Variants in GRM8 observed in about 807,000 individuals in gnomAD.
GRM8 encodes the protein metabotropic glutamate receptor 8.
Under a neutral mutation model 87.2 loss-of-function variants are expected in GRM8, and 47 were observed. That is an observed-to-expected ratio of 0.54 (90% CI 0.43 to 0.69). The LOEUF is 0.69. GRM8 is among the 30% of genes least tolerant of loss of function. The probability of loss-of-function intolerance (pLI) is 0.00; values close to 1 mark genes in which losing one functional copy is unlikely to be tolerated. For missense variants in GRM8, 1,019 were observed against 1,139.2 expected (o/e 0.89, Z 1.52); for synonymous variants, 396 against 404.5 (o/e 0.98, Z 0.25).
intron 2 of GRM8, 35 bp downstream of exon 2, chr7:127,242,660 T>C (rs1299967659): frequency 1.3e-6 from 2 of 1,582,484 alleles, no homozygotes; most frequent in African/African-American, 1.4e-5. Context: ...TCATTGTTCT[T>C]TCACAATGGT....
chr7:127,044,662 G>T (rs746499653), intron 3 of GRM8, among the ~76,000 whole-genome samples: 30 of 151,992 alleles, frequency 2.0e-4, no homozygotes, highest in Admixed American at 9.8e-4. Context: ...AATTTAGAGG[G>T]ACTGTCCAGC....
Position 126,685,678 on chromosome 7 carries a change from A to G in GRM8, c.1358-76180T>C, listed in dbSNP as rs1414158033. 6.6e-6 allele frequency among the ~76,000 whole-genome samples: 1 copy of G among 151,920 alleles called. No homozygotes were observed. The highest frequency in any genetic ancestry group is 2.4e-5 in the African/African-American group (1 of 41,376). On this transcript the variant is annotated intron_variant, in intron 7 of 10. Coordinates refer to ENST00000339582, the MANE Select transcript of GRM8 (RefSeq NM_000845.3). The surrounding 1 kb of genome is among the most constrained non-coding windows in gnomAD (Gnocchi z 4.2). ...CCCTTGCTGCCTCGGCTCCCTCTAA[A>G]CTTTGGCTGTGGACAAGCACAGGAG...
In GRM8 at chr7:126,698,330, G is replaced by T. The variant is rs563547263; in HGVS notation, c.1357+71535C>A. Among the ~76,000 whole-genome samples the T allele has an allele frequency of 2.8e-3, 427 of 152,126 alleles. 5 individuals carry two copies. The highest frequency in any genetic ancestry group is 0.024 in the Middle Eastern group (7 of 294). On this transcript the variant is annotated intron_variant, in intron 7 of 10. Transcript: ENST00000339582. ...GTGGAGGAAGGATTGGAATATAATAGAATTGTTCTATTTTCTACCATTTAC... is the reference window on the plus strand; with the variant it reads ...GTGGAGGAAGGATTGGAATATAATATAATTGTTCTATTTTCTACCATTTAC...
At chr7:126,824,507 G>A (rs929738181) in intron 6 of GRM8, among the ~76,000 whole-genome samples, 2 of 152,306 alleles carry the variant, frequency 1.3e-5, no homozygotes, top group East Asian at 3.9e-4. Flanking sequence ...GGAGCCTTGT[G>A]AGTGGAGAAG....
intron 6 of GRM8, among the ~76,000 whole-genome samples, chr7:126,848,340 AT>A (rs1796896094): frequency 6.6e-6 from 1 of 152,198 alleles, no homozygotes; most frequent in African/African-American, 2.4e-5. Flanking sequence ...GCTGGTTTGA[AT>A]TGAGAAGTGC....
At chr7:127,175,412 G>T (rs561114912) in intron 2 of GRM8, among the ~76,000 whole-genome samples, 1 of 152,234 alleles carries the variant, frequency 6.6e-6, no homozygotes, top group African/African-American at 2.4e-5. Context: ...TACATAATTT[G>T]AATACCAGAA....
chr7:126,900,964 T>C (rs1802018707), intron 6 of GRM8, among the ~76,000 whole-genome samples: 1 of 152,146 alleles, frequency 6.6e-6, no homozygotes, highest in Admixed American at 6.5e-5. Context: ...ATTCTCTAGA[T>C]GAAGAGCCTC....
chr7:126,725,731 C>T lies in GRM8; in HGVS notation c.1357+44134G>A, dbSNP rs151083002. On this transcript the variant is annotated intron_variant, in intron 7 of 10. Transcript: ENST00000339582. Reference sequence around the variant, plus strand: ...AGTTATGCAGGTTGTATAAGAAGCACGGCGTTGGCATCTGCTCAGCTTCTA... The same window carrying T: ...AGTTATGCAGGTTGTATAAGAAGCATGGCGTTGGCATCTGCTCAGCTTCTA... Among the ~76,000 whole-genome samples the T allele has an allele frequency of 6.6e-3, 1,011 of 152,242 alleles. 12 individuals are homozygous for T. The highest frequency in any genetic ancestry group is 0.022 in the African/African-American group (929 of 41,546).
intron 3 of GRM8, among the ~76,000 whole-genome samples, chr7:127,046,788 G>C (rs1430928713): frequency 6.6e-6 from 1 of 151,410 alleles, no homozygotes; most frequent in Non-Finnish European, 1.5e-5. Context: ...TCTCTTTCTT[G>C]CCCTATTGTA....
At chr7:126,988,476 C>A (rs1812330641) in intron 3 of GRM8, among the ~76,000 whole-genome samples, 1 of 152,176 alleles carries the variant, frequency 6.6e-6, no homozygotes, top group South Asian at 2.1e-4. Context: ...GTAAAATAAT[C>A]TACAGAGACA....
intron 2 of GRM8, among the ~76,000 whole-genome samples, chr7:127,146,162 T>A (rs1468583328): frequency 1.3e-5 from 2 of 152,078 alleles, no homozygotes; most frequent in African/African-American, 4.8e-5. Context: ...CTGATCTATT[T>A]TTTAATCTAC....
intron 9 of GRM8, among the ~76,000 whole-genome samples, chr7:126,497,205 G>A (rs1197100374): frequency 1.3e-5 from 2 of 151,690 alleles, no homozygotes; most frequent in Non-Finnish European, 1.5e-5. Flanking sequence ...AAGATGATGG[G>A]GGCACACATG....
intron 6 of GRM8, among the ~76,000 whole-genome samples, chr7:126,784,670 A>G (rs986355545): frequency 1.3e-5 from 2 of 152,184 alleles, no homozygotes; most frequent in African/African-American, 4.8e-5. Context: ...GCCTACCACC[A>G]TGCTAGACAA....
chr7:126,668,372 G>T (rs1229367860), intron 7 of GRM8, among the ~76,000 whole-genome samples: 1 of 152,184 alleles, frequency 6.6e-6, no homozygotes, highest in Non-Finnish European at 1.5e-5. Context: ...GTGAAATGGG[G>T]ACTGAAACTC....
At chr7:127,032,738 C>G (rs1817496006) in intron 3 of GRM8, among the ~76,000 whole-genome samples, 2 of 152,258 alleles carry the variant, frequency 1.3e-5, no homozygotes, top group African/African-American at 2.4e-5. Flanking sequence ...CCAACTCTCC[C>G]CAGTATGGAT....
intron 6 of GRM8, among the ~76,000 whole-genome samples, chr7:126,863,760 C>T (rs1798346443): frequency 6.6e-6 from 1 of 151,960 alleles, no homozygotes; most frequent in African/African-American, 2.4e-5. Flanking sequence ...GTTAACATCT[C>T]CTATTTGGAT....
intron 7 of GRM8, among the ~76,000 whole-genome samples, chr7:126,634,031 G>A (rs934949656): frequency 6.6e-6 from 1 of 151,954 alleles, no homozygotes; most frequent in Non-Finnish European, 1.5e-5. Context: ...ATCTTTTACA[G>A]AAGATAAACT....
chr7:126,731,732 T>C (rs1813601473), intron 7 of GRM8, among the ~76,000 whole-genome samples: 1 of 152,084 alleles, frequency 6.6e-6, no homozygotes, highest in South Asian at 2.1e-4. Context: ...TCAATACATA[T>C]ATGTATTCAT....
chr7:126,617,732 A>G (rs1373525921), intron 7 of GRM8, among the ~76,000 whole-genome samples: 1 of 152,216 alleles, frequency 6.6e-6, no homozygotes, highest in African/African-American at 2.4e-5. Context: ...ATACACCAAT[A>G]ACAGACAAAC....
Sources: gnomAD v4.1 joint callset for allele counts (sites outside exome capture counted in the v4.1 genomes callset) on GRCh38, gnomAD v4.1.1 for gene constraint, Gnocchi (gnomAD v3.1) non-coding constraint, MANE v1.5 for transcripts, NCBI Gene and HGNC (gene_info 2026-07-23, HGNC 2026-07-21) for gene names.